Variants in IQSEC1 observed in about 807,000 individuals in gnomAD.
The protein encoded by IQSEC1 is IQ motif and SEC7 domain-containing protein 1.
In IQSEC1, 31 loss-of-function variants were observed where a neutral mutation model predicts 91.0. The observed-to-expected ratio is 0.34, with a 90% CI of 0.26 to 0.46. The LOEUF (loss-of-function observed/expected upper bound fraction) is 0.46, where lower values mean the gene tolerates loss of function less well. IQSEC1 is among the 20% of genes least tolerant of loss of function. The pLI, the probability that IQSEC1 is intolerant of heterozygous loss-of-function variation, is 1.00. For missense variants in IQSEC1, 1,388 were observed against 1,575.6 expected (o/e 0.88, Z 2.02); for synonymous variants, 699 against 662.6 (o/e 1.05, Z -0.84).
chr3:12,913,290 A>C, intron 9 of IQSEC1, 138 bp downstream of exon 9: 2 of 828,214 alleles, frequency 2.4e-6, no homozygotes, highest in African/African-American at 3.5e-5. Context: ...CATGTGCATC[A>C]GTGTGAAAGA....
intron 1 of IQSEC1, among the ~76,000 whole-genome samples, chr3:12,966,641 C>G (rs1458007796): frequency 6.6e-6 from 1 of 152,170 alleles, no homozygotes; most frequent in African/African-American, 2.4e-5. Context: ...CTCTGACACA[C>G]CAGACTCCAT....
chr3:13,068,597 C>A (rs1705315117), intron 1 of IQSEC1, among the ~76,000 whole-genome samples: 1 of 152,188 alleles, frequency 6.6e-6, no homozygotes, highest in African/African-American at 2.4e-5. Flanking sequence ...ACTCTTTACT[C>A]CAGGGCCTCC....
chr3:12,905,614 G>A (rs1211763510), intron 12 of IQSEC1, among the ~76,000 whole-genome samples: 1 of 152,262 alleles, frequency 6.6e-6, no homozygotes, highest in South Asian at 2.1e-4. Context: ...TCTCTGCTGG[G>A]CCTGACATGG....
chr3:12,982,880 G>C (rs1387954777), intron 1 of IQSEC1, among the ~76,000 whole-genome samples: 2 of 152,254 alleles, frequency 1.3e-5, no homozygotes, highest in Non-Finnish European at 2.9e-5. Flanking sequence ...AACCGAGGCT[G>C]TTTGAGAAAT....
chr3:13,125,037 G>A (rs1284686738), intron 2 of IQSEC1, among the ~76,000 whole-genome samples: 1 of 152,128 alleles, frequency 6.6e-6, no homozygotes, highest in Non-Finnish European at 1.5e-5. Flanking sequence ...ACCTTTTAAC[G>A]CAAAATTCAG....
chr3:13,132,418 C>T (rs1242838923), intron 2 of IQSEC1, among the ~76,000 whole-genome samples: 4 of 152,192 alleles, frequency 2.6e-5, no homozygotes, highest in African/African-American at 9.7e-5. Flanking sequence ...TGGTAGTTTT[C>T]TCACGCTCAC....
Position 13,127,858 on chromosome 3 carries a change from A to G in IQSEC1, c.302+36246T>C, listed in dbSNP as rs185162730. ...ACATATACAAATCCCATATGTTTTC[A>G]GTATACAGATTCTGTACATGTTTTG... On this transcript the variant is annotated intron_variant, in intron 2 of 15. Transcript: ENST00000648114. 4.5e-4 allele frequency among the ~76,000 whole-genome samples: 68 copies of G among 152,324 alleles called. 1 individual carries two copies. Among genetic ancestry groups the G allele is most frequent in the African/African-American group, 1.6e-3 (68 of 41,574 alleles).
chr3:13,247,117 T>C (rs1051493830), intron 1 of IQSEC1, among the ~76,000 whole-genome samples: 9 of 152,212 alleles, frequency 5.9e-5, no homozygotes, highest in African/African-American at 1.4e-4. Context: ...GCTGGTCTGA[T>C]ACCGGACTTG....
chr3:12,933,800 G>A (rs935848424), intron 3 of IQSEC1, among the ~76,000 whole-genome samples: 2 of 152,256 alleles, frequency 1.3e-5, no homozygotes, highest in African/African-American at 4.8e-5. Flanking sequence ...AGTCCAAGAG[G>A]ATGTTATCCT....
At chr3:13,158,540 C>A (rs949614794) in intron 2 of IQSEC1, among the ~76,000 whole-genome samples, 1 of 152,200 alleles carries the variant, frequency 6.6e-6, no homozygotes, top group Admixed American at 6.5e-5. Flanking sequence ...GAATCTCCCC[C>A]ACCATCCCCA....
chr3:13,204,676 C>T (rs1453800779), intron 1 of IQSEC1, among the ~76,000 whole-genome samples: 1 of 152,212 alleles, frequency 6.6e-6, no homozygotes, highest in African/African-American at 2.4e-5. Context: ...TCAGAAGGGG[C>T]GGCTCGGGTC....
At chr3:13,199,122 G>A (rs1694190441) in intron 1 of IQSEC1, among the ~76,000 whole-genome samples, 3 of 152,200 alleles carry the variant, frequency 2.0e-5, no homozygotes, top group Admixed American at 1.3e-4. Flanking sequence ...GAGCTGGTGG[G>A]GCAGGCGACA....
intron 1 of IQSEC1, among the ~76,000 whole-genome samples, chr3:13,281,442 C>G (rs933936836): frequency 2.2e-5 from 3 of 137,636 alleles, no homozygotes; most frequent in Admixed American, 1.5e-4. Flanking sequence ...GCCTGACACC[C>G]ACGCCTGCCA....
intron 1 of IQSEC1, among the ~76,000 whole-genome samples, chr3:13,169,613 A>G (rs1471547766): frequency 2.0e-5 from 3 of 152,240 alleles, no homozygotes; most frequent in Non-Finnish European, 2.9e-5. Flanking sequence ...TGCTGATAGC[A>G]ATATGGACAA....
At chr3:13,112,077 C>T (rs1473035187) in intron 2 of IQSEC1, among the ~76,000 whole-genome samples, 1 of 152,202 alleles carries the variant, frequency 6.6e-6, no homozygotes, top group Non-Finnish European at 1.5e-5. Context: ...TGGTGGGCTG[C>T]CCTGCCTTCC....
chr3:13,009,669 G>A (rs200188165), intron 1 of IQSEC1, among the ~76,000 whole-genome samples: 12 of 67,890 alleles, frequency 1.8e-4, no homozygotes, highest in East Asian at 8.4e-4. Flanking sequence ...ATATATATAT[G>A]TGTGTGTGTG....
rs1280083809 is a variant in IQSEC1, at chr3:12,898,629, C to T, written c.*2354G>A. The T allele has an allele frequency of 6.6e-6, 1 of 152,222 alleles. No homozygotes were observed. Among genetic ancestry groups the T allele is most frequent in the Non-Finnish European group, 1.5e-5 (1 of 68,040 alleles). The allele number at this position is 152,222 out of a possible 1,614,324, so 9.4% of individuals were successfully genotyped here. On this transcript the variant is annotated 3_prime_UTR_variant, in exon 14 of 14. Coordinates refer to ENST00000613206, the MANE Select transcript of IQSEC1 (RefSeq NM_001134382.3). ...AAAGAGCAATTCTGTGCCAAACGGC[C>T]TGAATCTTTTCTGGAACAACCTAAA...
intron 1 of IQSEC1, among the ~76,000 whole-genome samples, chr3:13,263,912 G>A (rs992130660): frequency 1.1e-4 from 17 of 152,218 alleles, no homozygotes; most frequent in African/African-American, 3.4e-4. Context: ...AGCTGAAGTC[G>A]TGGACAAGAA....
At chr3:12,986,265 C>T (rs1701728726) in intron 1 of IQSEC1, among the ~76,000 whole-genome samples, 1 of 152,168 alleles carries the variant, frequency 6.6e-6, no homozygotes, top group African/African-American at 2.4e-5. Flanking sequence ...CTCTTTGTCC[C>T]GACTTTTTCC....
Sources: gnomAD v4.1 joint callset for allele counts (sites outside exome capture counted in the v4.1 genomes callset) on GRCh38, gnomAD v4.1.1 for gene constraint, MANE v1.5 for transcripts, NCBI Gene and HGNC (gene_info 2026-07-23, HGNC 2026-07-21) for gene names.